Variants in PLD1 observed in about 807,000 individuals in gnomAD.
The protein encoded by PLD1 is choline phosphatase 1.
PLD1 carries 112 observed loss-of-function variants against 137.1 expected under a neutral mutation model. That is an observed-to-expected ratio of 0.82 (90% CI 0.70 to 0.96). PLD1 has a LOEUF of 0.96. PLD1 is among the 40% of genes least tolerant of loss of function. PLD1 has a pLI of 0.00. For missense variants in PLD1, 1,321 were observed against 1,342.0 expected, an observed-to-expected ratio of 0.98 and a Z score of 0.24; for synonymous variants, 431 against 454.7, an observed-to-expected ratio of 0.95 and a Z score of 0.66.
intron 23 of PLD1, among the ~76,000 whole-genome samples, chr3:171,625,186 G>A (rs187370984): frequency 1.7e-4 from 26 of 152,266 alleles, no homozygotes; most frequent in African/African-American, 4.3e-4. Context: ...AAAAAATGGC[G>A]CACCAGGAGA....
At chr3:171,758,671 A>C (rs1226363191) in intron 1 of PLD1, among the ~76,000 whole-genome samples, 1 of 152,210 alleles carries the variant, frequency 6.6e-6, no homozygotes. Flanking sequence ...CACTTCCTTC[A>C]TGATAGGAGG....
At chr3:171,715,165 G>A (rs922577419) in intron 8 of PLD1, among the ~76,000 whole-genome samples, 1 of 152,168 alleles carries the variant, frequency 6.6e-6, no homozygotes, top group African/African-American at 2.4e-5. Flanking sequence ...CCAAGGCTAT[G>A]ATATCAAAGG....
intron 26 of PLD1, 146 bp from the exon 27 acceptor site, chr3:171,603,448 A>C: frequency 1.6e-6 from 1 of 624,402 alleles, no homozygotes; most frequent in Non-Finnish European, 2.8e-6. Context: ...CTGATTTAAG[A>C]GTTGGTTATC....
At chr3:171,708,675 A>T in intron 11 of PLD1, 80 bp downstream of exon 11, 1 of 769,282 alleles carries the variant, frequency 1.3e-6, no homozygotes, top group South Asian at 1.6e-5. Flanking sequence ...ATAATGTGTA[A>T]TTCTTGAACA....
intron 1 of PLD1, among the ~76,000 whole-genome samples, chr3:171,768,966 G>A (rs1277079523): frequency 2.0e-5 from 3 of 152,196 alleles, no homozygotes; most frequent in Non-Finnish European, 2.9e-5. Flanking sequence ...CCAGCAGAAT[G>A]AGAGCAAGAA....
intron 14 of PLD1, among the ~76,000 whole-genome samples, chr3:171,687,934 GTCAA>G: frequency 6.6e-6 from 1 of 152,238 alleles, no homozygotes. Context: ...GGCTTCCTCT[GTCAA>G]TCATTTTCCC....
intron 23 of PLD1, among the ~76,000 whole-genome samples, chr3:171,626,652 T>C (rs1169541958): frequency 2.0e-5 from 3 of 151,442 alleles, no homozygotes; most frequent in African/African-American, 7.4e-5. Context: ...ACAGCGGATC[T>C]CTCAGCAGAA....
chr3:171,744,551 G>A lies in PLD1; in HGVS notation c.-31-6469C>T, dbSNP rs568720662. On this transcript the variant is annotated intron_variant, in intron 1 of 26. Transcript: ENST00000351298. The stretch of plus-strand genomic sequence containing the variant: ...CCTGGTTTTATATCACACCCTCCAC[G>A]TGGCCTAATGCTGACGCTGCTTTTA... 9.5e-4 allele frequency among the ~76,000 whole-genome samples: 145 copies of A among 152,212 alleles called. 3 individuals are homozygous for A. The South Asian group carries it at 0.027, about 28-fold the overall frequency.
At chr3:171,659,330 T>C (rs1227075952) in intron 20 of PLD1, 29 bp from the exon 21 acceptor site, 2 of 1,407,366 alleles carry the variant, frequency 1.4e-6, no homozygotes, top group Non-Finnish European at 2.0e-6. Context: ...ACAATCATGT[T>C]AGTCTTTATT....
intron 24 of PLD1, among the ~76,000 whole-genome samples, chr3:171,613,412 G>A (rs542951171): frequency 6.6e-6 from 1 of 152,296 alleles, no homozygotes; most frequent in African/African-American, 2.4e-5. Flanking sequence ...TACCAGTTCA[G>A]TAGGAAAGAT....
At chr3:171,780,216 TG>T (rs1267371412) in intron 1 of PLD1, among the ~76,000 whole-genome samples, 1 of 151,394 alleles carries the variant, frequency 6.6e-6, no homozygotes, top group Non-Finnish European at 1.5e-5. Flanking sequence ...GATTCAGAAC[TG>T]GGGTTTGGAT....
chr3:171,662,194 A>T (rs1299439452), intron 19 of PLD1, 24 bp from the exon 20 acceptor site: 1 of 1,351,846 alleles, frequency 7.4e-7, no homozygotes, highest in Non-Finnish European at 1.1e-6. Context: ...ATCAGAAATG[A>T]ACAAGTATTA....
At chr3:171,728,600 T>A (rs1335716521) in intron 6 of PLD1, among the ~76,000 whole-genome samples, 4 of 152,104 alleles carry the variant, frequency 2.6e-5, no homozygotes, top group Admixed American at 1.3e-4. Context: ...AACTAACTTA[T>A]GCAAAGTCCC....
At chr3:171,750,512 T>G (rs1284622709) in intron 1 of PLD1, among the ~76,000 whole-genome samples, 1 of 151,974 alleles carries the variant, frequency 6.6e-6, no homozygotes, top group Non-Finnish European at 1.5e-5. Flanking sequence ...TTCATTAAAT[T>G]TGGTGAAAGA....
chr3:171,632,350 C>T (rs576335591), intron 23 of PLD1, among the ~76,000 whole-genome samples: 4 of 152,240 alleles, frequency 2.6e-5, no homozygotes, highest in African/African-American at 9.6e-5. Context: ...TTATTGTGAG[C>T]TGAATTCTAG....
At chr3:171,755,903 C>T (rs1302156375) in intron 1 of PLD1, among the ~76,000 whole-genome samples, 1 of 152,222 alleles carries the variant, frequency 6.6e-6, no homozygotes, top group Non-Finnish European at 1.5e-5. Flanking sequence ...TCATCATCTT[C>T]TAACCACAAA....
chr3:171,739,818 A>C (rs1719641381), intron 1 of PLD1, among the ~76,000 whole-genome samples: 2 of 152,210 alleles, frequency 1.3e-5, no homozygotes, highest in African/African-American at 4.8e-5. Context: ...AGGGACTGGA[A>C]TTCAGGTTTC....
At chr3:171,767,778 C>A (rs547091291) in intron 1 of PLD1, among the ~76,000 whole-genome samples, 5 of 152,256 alleles carry the variant, frequency 3.3e-5, no homozygotes. Flanking sequence ...TTACAAGGCT[C>A]ATGCCTATAA....
intron 16 of PLD1, among the ~76,000 whole-genome samples, chr3:171,681,071 C>T (rs1713922125): frequency 6.6e-6 from 1 of 152,208 alleles, no homozygotes; most frequent in Non-Finnish European, 1.5e-5. Context: ...GCTCAATCTG[C>T]ACAAATCAGC....
Sources: gnomAD v4.1 joint callset for allele counts (sites outside exome capture counted in the v4.1 genomes callset) on GRCh38, gnomAD v4.1.1 for gene constraint, MANE v1.5 for transcripts, NCBI Gene and HGNC (gene_info 2026-07-23, HGNC 2026-07-21) for gene names.